The following C5 variants were observed in gnomAD, a reference collection of about 807,000 sequenced individuals.
C5 encodes the protein C3 and PZP-like alpha-2-macroglobulin domain-containing protein 4.
In C5, 140 loss-of-function variants were observed where a neutral mutation model predicts 218.8. The ratio of observed to expected loss-of-function variants is 0.64; its 90% CI spans 0.56 to 0.74. C5 has a LOEUF of 0.74. Among genes scored for constraint, C5 ranks in the 30% least tolerant of loss-of-function variants. C5 has a pLI of 0.00. For missense variants in C5, 1,700 were observed against 1,969.6 expected (o/e 0.86, Z 2.59); for synonymous variants, 614 against 682.3 (o/e 0.90, Z 1.56).
chr9:121,020,237 C>T (rs568534505), intron 11 of C5, 58 bp from the exon 12 acceptor site: 4 of 1,205,600 alleles, frequency 3.3e-6, no homozygotes, highest in East Asian at 2.3e-5. Flanking sequence ...TTCTGTAAAA[C>T]ATACCTTTCA....
Position 121,008,436 on chromosome 9 carries a change from A to G in C5, c.2320T>C (p.Leu774=), listed in dbSNP as rs113737998. 1.4e-5 allele frequency: 23 copies of G among 1,613,644 alleles called. No homozygotes were observed. The highest frequency in any genetic ancestry group is 8.0e-5 in the African/African-American group (6 of 74,984). Residue 774 remains leucine, a synonymous_variant, in exon 18 of 41, where the codon TTG becomes CTG. Transcript: ENST00000223642. ...EIRSYFPESW[L]WEVHLVPRRK... ...CTGGGAACAAGATGAACTTCCCACA[A>G]CCAGCTTTCTGGAAAATAACTCCGA...
At chr9:120,989,331 G>A in intron 24 of C5, among the ~76,000 whole-genome samples, 1 of 152,178 alleles carries the variant, frequency 6.6e-6, no homozygotes, top group East Asian at 1.9e-4. Context: ...ATTCGAAAAG[G>A]AAGGAAGTGT....
chr9:121,019,691 A>G (rs2047346392), intron 12 of C5, among the ~76,000 whole-genome samples: 1 of 152,220 alleles, frequency 6.6e-6, no homozygotes, highest in Non-Finnish European at 1.5e-5. Context: ...TTATTAGAAC[A>G]GGAGTCAGAG....
the C5 span, among the ~76,000 whole-genome samples, chr9:121,073,511 C>CT: frequency 0.016 from 1,133 of 72,968 alleles, 61 homozygotes; most frequent in African/African-American, 0.031. Flanking sequence ...GAAAACTGGA[C>CT]TTTTTTTTTT....
intron 33 of C5, among the ~76,000 whole-genome samples, chr9:120,967,150 C>T (rs2046874540): frequency 6.6e-6 from 1 of 151,450 alleles, no homozygotes; most frequent in Non-Finnish European, 1.5e-5. Flanking sequence ...ATCCCAGCTA[C>T]TCGGGAGGCT....
In C5 at chr9:120,997,576, C is replaced by A. The variant is rs2047127396; in HGVS notation, c.2761G>T (p.Glu921Ter). Reference protein sequence around the residue: ...NFSLETWFGKEILVKTLRVVP... With the variant: ...NFSLETWFGK ...ACTCGTAATGTTTTTACTAAGATTT[C>A]TTTTCCAAACCAAGTCTCCAGTGAA... Residue 921 changes from glutamate to a stop codon, truncating the protein, a stop_gained, in exon 21 of 41, where the codon GAA becomes TAA. Transcript: ENST00000223642. LOFTEE classifies it high-confidence loss of function. The A allele has an allele frequency of 1.9e-6, 3 of 1,613,456 alleles. No individual in the cohort carries two copies. Among genetic ancestry groups the A allele is most frequent in the South Asian group, 2.2e-5 (2 of 91,056 alleles).
chr9:121,040,788 G>C (rs1438515887), intron 3 of C5, among the ~76,000 whole-genome samples: 2 of 152,120 alleles, frequency 1.3e-5, no homozygotes, highest in African/African-American at 4.8e-5. Context: ...GCTCACAGCA[G>C]CTCAAGCTGT....
chr9:121,071,054 A>C, the C5 span, among the ~76,000 whole-genome samples: 2 of 152,354 alleles, frequency 1.3e-5, no homozygotes, highest in South Asian at 2.1e-4. Flanking sequence ...TCACACCTAC[A>C]AACCTAGCAC....
intron 20 of C5, among the ~76,000 whole-genome samples, chr9:121,002,292 A>G (rs11999841): frequency 0.014 from 1,400 of 98,740 alleles, 54 homozygotes; most frequent in East Asian, 0.028. Context: ...GTATATATGT[A>G]TATATGTATA....
At chr9:121,055,090 C>T (rs2047691705), upstream of C5, among the ~76,000 whole-genome samples, 1 of 152,002 alleles carries the variant, frequency 6.6e-6, no homozygotes, top group African/African-American at 2.4e-5. Flanking sequence ...CTACTAAGTC[C>T]CTGCTTGGAG....
intron 38 of C5, among the ~76,000 whole-genome samples, chr9:120,959,238 TTC>T (rs1194763305): frequency 1.0e-5 from 1 of 97,986 alleles, no homozygotes; most frequent in Non-Finnish European, 1.8e-5. Context: ...TCAAATTTCT[TTC>T]TTTCTTTCTT....
chr9:120,982,719 T>C lies in C5; in HGVS notation c.3326A>G (p.Glu1109Gly). The C allele has an allele frequency of 6.2e-7, 1 of 1,604,404 alleles. No homozygotes were observed. Among genetic ancestry groups the C allele is most frequent in the South Asian group, 1.1e-5 (1 of 90,714 alleles). Residue 1109 changes from glutamate (E) to glycine (G), a missense_variant, in exon 26 of 41, where the codon GAG becomes GGG. Glu to Gly is a moderately conservative substitution (Grantham distance 98). Coordinates refer to ENST00000223642, the MANE Select transcript of C5 (RefSeq NM_001735.3). ...SICNSLLWLV[E>G]NYQLDNGSFK... The stretch of plus-strand genomic sequence containing the variant: ...AGATCCATTATCTAATTGATAATTC[T>C]CAACTAGCCACAATAAAGAATTACA...
chr9:121,005,862 A>G, intron 20 of C5, 57 bp downstream of exon 20: 9 of 1,572,192 alleles, frequency 5.7e-6, no homozygotes, highest in Non-Finnish European at 7.0e-6. Flanking sequence ...CACTAATAGA[A>G]TTCTCAGAAA....
At chr9:121,039,327 C>T (rs949848649) in intron 3 of C5, among the ~76,000 whole-genome samples, 4 of 152,108 alleles carry the variant, frequency 2.6e-5, no homozygotes, top group Non-Finnish European at 5.9e-5. Flanking sequence ...AAGATCTATA[C>T]AATTTTTTGT....
At chr9:121,068,748 C>A in the C5 span, among the ~76,000 whole-genome samples, 1 of 152,076 alleles carries the variant, frequency 6.6e-6, no homozygotes, top group Non-Finnish European at 1.5e-5. Context: ...GCTGTAGTAA[C>A]CAAAATAGCA....
At chr9:121,070,695 A>G in the C5 span, among the ~76,000 whole-genome samples, 24 of 152,060 alleles carry the variant, frequency 1.6e-4, no homozygotes, top group Admixed American at 4.6e-4. Flanking sequence ...AGGAGTAAAC[A>G]GTAGAACAGA....
chr9:120,966,394 A>G (rs1315942697), intron 33 of C5, among the ~76,000 whole-genome samples: 1 of 152,258 alleles, frequency 6.6e-6, no homozygotes, highest in African/African-American at 2.4e-5. Context: ...GAGATAAGGT[A>G]GTGCAATATC....
At chr9:121,065,225 A>G in the C5 span, among the ~76,000 whole-genome samples, 1 of 152,174 alleles carries the variant, frequency 6.6e-6, no homozygotes, top group Non-Finnish European at 1.5e-5. Context: ...AGAGGACAAA[A>G]AGATTCTTGA....
At chr9:121,056,727 G>C in the C5 span, among the ~76,000 whole-genome samples, 6 of 151,956 alleles carry the variant, frequency 3.9e-5, no homozygotes, top group Non-Finnish European at 8.8e-5. Context: ...ACAAGATCTA[G>C]AAAATAGCCT....
Sources: allele counts gnomAD v4.1 joint callset (sites outside exome capture counted in the v4.1 genomes callset), GRCh38; gene constraint gnomAD v4.1.1; transcripts MANE v1.5; gene names NCBI Gene and HGNC (gene_info 2026-07-23, HGNC 2026-07-21).